Variants in FAF1 observed in about 807,000 individuals in gnomAD.
The protein encoded by FAF1 is FAS-associated factor 1.
FAF1 carries 25 observed loss-of-function variants against 92.5 expected under a neutral mutation model. The ratio of observed to expected loss-of-function variants is 0.27; its 90% CI spans 0.20 to 0.38. FAF1 has a LOEUF of 0.38. FAF1 is among the 10% of genes least tolerant of loss of function. The pLI is 1.00. For missense variants in FAF1, 636 were observed against 793.3 expected (o/e 0.80, Z 2.38); for synonymous variants, 234 against 273.2 (o/e 0.86, Z 1.42).
In FAF1 at chr1:50,568,736, CTCCAAG is replaced by C. The variant is rs1650286103; in HGVS notation, c.1114-1511_1114-1506del. On this transcript the variant is annotated intron_variant, in intron 12 of 18. Transcript: ENST00000396153. Reference sequence around the variant, plus strand: ...GAGGATTGGCTCTCAGATTGTCTAACTCCAAGTCCAAGTAAGTGTTTTTTCTCTGAT... The same window carrying C: ...GAGGATTGGCTCTCAGATTGTCTAACTCCAAGTAAGTGTTTTTTCTCTGAT... Among the ~76,000 whole-genome samples, 3 of 152,166 alleles carry C rather than the reference CTCCAAG, an allele frequency of 2.0e-5. No homozygotes were observed. In the South Asian group the frequency reaches 6.2e-4, roughly 31 times the overall value.
intron 3 of FAF1, among the ~76,000 whole-genome samples, chr1:50,789,923 T>C (rs1294625673): frequency 6.6e-6 from 1 of 152,188 alleles, no homozygotes; most frequent in African/African-American, 2.4e-5. Flanking sequence ...GAACACAGGC[T>C]ATTCCCTCTA....
intron 4 of FAF1, among the ~76,000 whole-genome samples, chr1:50,757,392 A>G (rs1569893782): frequency 2.6e-5 from 4 of 152,306 alleles, no homozygotes; most frequent in Admixed American, 2.0e-4. Flanking sequence ...TTCTTACTTC[A>G]ATTCTACCAG....
intron 1 of FAF1, among the ~76,000 whole-genome samples, chr1:50,861,696 CATAAAA>C (rs1644434204): frequency 6.6e-6 from 1 of 151,574 alleles, no homozygotes; most frequent in Non-Finnish European, 1.5e-5. Context: ...TTCCTAAGTC[CATAAAA>C]ATAAAAAGTT....
chr1:50,524,941 A>G (rs1206845164), intron 15 of FAF1, among the ~76,000 whole-genome samples: 3 of 151,782 alleles, frequency 2.0e-5, no homozygotes, highest in African/African-American at 7.3e-5. Context: ...GGTGTAGTGC[A>G]GTGGTGAGAT....
At chr1:50,526,485 T>C (rs1035087480) in intron 15 of FAF1, among the ~76,000 whole-genome samples, 2 of 151,788 alleles carry the variant, frequency 1.3e-5, no homozygotes, top group Admixed American at 6.6e-5. Flanking sequence ...ATTTTTTTCA[T>C]AGAGATGGGA....
At chr1:50,952,546 G>C (rs895089719) in intron 1 of FAF1, among the ~76,000 whole-genome samples, 12 of 152,260 alleles carry the variant, frequency 7.9e-5, no homozygotes, top group Non-Finnish European at 1.3e-4. Flanking sequence ...TGGGAAGTGA[G>C]GAGCGTCTCT....
intron 7 of FAF1, among the ~76,000 whole-genome samples, chr1:50,658,574 T>G (rs1371007153): frequency 6.6e-6 from 1 of 152,236 alleles, no homozygotes; most frequent in African/African-American, 2.4e-5. Flanking sequence ...TATGTTGGTA[T>G]TAAGCACAAC....
At chr1:50,476,263 T>C (rs1458792369) in intron 17 of FAF1, among the ~76,000 whole-genome samples, 2 of 152,218 alleles carry the variant, frequency 1.3e-5, no homozygotes, top group African/African-American at 4.8e-5. Context: ...AGTTACTGTA[T>C]ATATATTTTG....
intron 8 of FAF1, among the ~76,000 whole-genome samples, chr1:50,612,894 T>C (rs974153800): frequency 2.6e-5 from 4 of 152,248 alleles, no homozygotes; most frequent in Non-Finnish European, 5.9e-5. Context: ...TGTGAAGCTC[T>C]AGAATTAGTG....
intron 18 of FAF1, among the ~76,000 whole-genome samples, chr1:50,467,529 G>A (rs1289230554): frequency 6.6e-6 from 1 of 152,006 alleles, no homozygotes; most frequent in Non-Finnish European, 1.5e-5. Flanking sequence ...TAGCCAGGAC[G>A]GTCTCGATCT....
intron 18 of FAF1, among the ~76,000 whole-genome samples, chr1:50,453,619 C>G (rs1374057028): frequency 6.6e-6 from 1 of 152,194 alleles, no homozygotes; most frequent in African/African-American, 2.4e-5. Flanking sequence ...GAATCATGAA[C>G]AGAGCACGTG....
At chr1:50,726,520 C>A (rs1240449789) in intron 6 of FAF1, among the ~76,000 whole-genome samples, 1 of 151,866 alleles carries the variant, frequency 6.6e-6, no homozygotes, top group Non-Finnish European at 1.5e-5. Context: ...CACGGTGAAA[C>A]CCCGGCTCTA....
chr1:50,640,069 T>C (rs533763231), intron 8 of FAF1, among the ~76,000 whole-genome samples: 3 of 152,274 alleles, frequency 2.0e-5, no homozygotes, highest in East Asian at 1.9e-4. Context: ...AAATTCAATT[T>C]GGTAAAATGT....
At chr1:50,646,950 A>G (rs1654620360) in intron 8 of FAF1, among the ~76,000 whole-genome samples, 2 of 152,148 alleles carry the variant, frequency 1.3e-5, no homozygotes, top group Non-Finnish European at 2.9e-5. Flanking sequence ...GGTTCAAGCA[A>G]TTCTTGTGTC....
intron 15 of FAF1, among the ~76,000 whole-genome samples, chr1:50,506,701 C>T (rs1647063050): frequency 6.6e-6 from 1 of 152,132 alleles, no homozygotes; most frequent in African/African-American, 2.4e-5. Context: ...GTAGTGAATG[C>T]TTACTATACA....
intron 3 of FAF1, among the ~76,000 whole-genome samples, chr1:50,798,059 T>C (rs1387174717): frequency 2.0e-5 from 3 of 151,124 alleles, no homozygotes; most frequent in Non-Finnish European, 4.4e-5. Flanking sequence ...GCAAAATTTT[T>C]AGGCACCTCC....
intron 1 of FAF1, among the ~76,000 whole-genome samples, chr1:50,931,130 T>C (rs542971067): frequency 1.3e-4 from 20 of 152,330 alleles, no homozygotes; most frequent in African/African-American, 3.8e-4. Context: ...TCTCTACCTT[T>C]TGATTACTAT....
chr1:50,929,673 G>A (rs1645033883), intron 1 of FAF1, among the ~76,000 whole-genome samples: 1 of 152,174 alleles, frequency 6.6e-6, no homozygotes, highest in African/African-American at 2.4e-5. Flanking sequence ...AATATTCATT[G>A]AATGTCTATC....
intron 8 of FAF1, among the ~76,000 whole-genome samples, chr1:50,629,337 G>C (rs1227376323): frequency 6.6e-6 from 1 of 152,018 alleles, no homozygotes; most frequent in Non-Finnish European, 1.5e-5. Context: ...GCCCAGCTAA[G>C]TGTTGTATTT....
Sources: gnomAD v4.1 joint callset for allele counts (sites outside exome capture counted in the v4.1 genomes callset) on GRCh38, gnomAD v4.1.1 for gene constraint, MANE v1.5 for transcripts, NCBI Gene and HGNC (gene_info 2026-07-23, HGNC 2026-07-21) for gene names.